Variants in SDR42E1 observed in about 807,000 individuals in gnomAD.
The protein encoded by SDR42E1 is short chain dehydrogenase/reductase family 42E, member 1.
In SDR42E1, 5 loss-of-function variants were observed where a neutral mutation model predicts 2.6. The ratio of observed to expected loss-of-function variants is 1.94; its 90% CI spans 1.01 to 4.08. The LOEUF is 4.08. Among genes scored for constraint, SDR42E1 ranks in the 30% most tolerant of loss-of-function variants. The probability of loss-of-function intolerance (pLI) is 0.00; values close to 1 mark genes in which losing one functional copy is unlikely to be tolerated. For synonymous variants in SDR42E1, 231 were observed against 188.3 expected, an observed-to-expected ratio of 1.23 and a Z score of -1.86; for missense variants, 596 against 478.6, an observed-to-expected ratio of 1.25 and a Z score of -2.29.
chr16:82,000,524 T>C (rs1294492378), intron 2 of SDR42E1: 5 of 589,032 alleles, frequency 8.5e-6, no homozygotes, highest in Non-Finnish European at 1.5e-5. Flanking sequence ...AATAATAAGA[T>C]AACTGTGAAA....
At position 82,000,833 on chromosome 16, in the gene SDR42E1, T is replaced by A; in HGVS notation, c.26A>T (p.Glu9Val). The A allele has an allele frequency of 6.2e-7, 1 of 1,613,930 alleles. No homozygotes were observed. Among genetic ancestry groups the A allele is most frequent in the Non-Finnish European group, 8.5e-7 (1 of 1,179,954 alleles). ...ACTTCCTCCTGTAATGAGGACACTT[T>A]CCTTTTGAGATCTTTTGGGGTCCAT... MDPKRSQK[E>V]SVLITGGSGY... Residue 9 changes from glutamate to valine, a missense_variant, in exon 2 of 3, where the codon GAA (glutamate) becomes GTA (valine). Transcript: ENST00000328945.
intron 1 of SDR42E1, among the ~76,000 whole-genome samples, chr16:82,010,859 T>A (rs1322196834): frequency 6.6e-6 from 1 of 152,190 alleles, no homozygotes; most frequent in Non-Finnish European, 1.5e-5. Flanking sequence ...CTGAGACCCG[T>A]CTCAGATTTT....
rs183011072 is a variant in SDR42E1 at position 82,004,390 on chromosome 16, C to T, written c.-26-3506G>A. Among the ~76,000 whole-genome samples, 573 of 151,696 alleles carry T rather than the reference C, an allele frequency of 3.8e-3. 2 individuals carry two copies. Among genetic ancestry groups the T allele is most frequent in the African/African-American group, 0.013 (530 of 41,002 alleles). On this transcript the variant is annotated intron_variant, in intron 1 of 2. Transcript: ENST00000328945. Reference sequence around the variant, plus strand: ...TGCTGGGCAGCTAACATGGTGAGTCCGCCATGGCTGGTGTGCAAACTGAAG... The same window carrying T: ...TGCTGGGCAGCTAACATGGTGAGTCTGCCATGGCTGGTGTGCAAACTGAAG...
rs984010622 is a variant in SDR42E1 at position 81,996,226 on chromosome 16, T to G, written c.*2885A>C. ...TTATAGAGTCTCTTGGCTAGGCATGTGGAGAATGGACTGAAGGAAGGAGGG... is the reference window on the plus strand; with the variant it reads ...TTATAGAGTCTCTTGGCTAGGCATGGGGAGAATGGACTGAAGGAAGGAGGG... On this transcript the variant is annotated 3_prime_UTR_variant, in exon 3 of 3. Coordinates refer to ENST00000328945, the MANE Select transcript of SDR42E1 (RefSeq NM_145168.3). 2.0e-5 allele frequency: 3 copies of G among 152,160 alleles called. No individual in the cohort carries two copies. The highest frequency in any genetic ancestry group is 7.2e-5 in the African/African-American group (3 of 41,388). 9.4% of individuals were successfully genotyped at this position (152,160 alleles called of 1,614,324 possible).
At chr16:82,002,468 G>C (rs183303382) in intron 1 of SDR42E1, among the ~76,000 whole-genome samples, 141 of 152,234 alleles carry the variant, frequency 9.3e-4, no homozygotes, top group Non-Finnish European at 1.6e-3. Context: ...CTTACTACTA[G>C]GGCCAGGCAG....
Position 81,999,492 on chromosome 16 carries a change from C to A in SDR42E1, c.801G>T (p.Arg267=). ...GRPVNNFEFF[R]PLVEGLGYTF... The stretch of plus-strand genomic sequence containing the variant: ...TGTAGCCCAGGCCCTCAACCAGAGG[C>A]CGGAAGAACTCAAAGTTGTTCACGG... Residue 267 remains arginine, a synonymous_variant, in exon 3 of 3, where the codon CGG becomes CGT. Coordinates refer to ENST00000328945, the MANE Select transcript of SDR42E1 (RefSeq NM_145168.3). The A allele has an allele frequency of 1.2e-6, 2 of 1,614,142 alleles. No individual in the cohort carries two copies. Among genetic ancestry groups the A allele is most frequent in the Non-Finnish European group, 1.7e-6 (2 of 1,180,026 alleles).
In SDR42E1 at chr16:82,010,385, G is replaced by A. The variant is rs546613197; in HGVS notation, c.-27+1002C>T. On this transcript the variant is annotated intron_variant, in intron 1 of 2. Transcript: ENST00000328945. ...ATGACTCTTAACCACTACATGTAAT[G>A]CCGCACAATAAGGCTGGGACAATAC... Among the ~76,000 whole-genome samples the A allele has an allele frequency of 2.0e-5, 3 of 152,256 alleles. No individual in the cohort carries two copies. The South Asian group carries it at 6.2e-4, about 32-fold the overall frequency.
intron 1 of SDR42E1, among the ~76,000 whole-genome samples, chr16:82,005,929 G>T (rs962257488): frequency 2.6e-5 from 4 of 152,328 alleles, no homozygotes; most frequent in Admixed American, 2.0e-4. Context: ...TAATAAAGTT[G>T]ACATCTCAAG....
intron 1 of SDR42E1, among the ~76,000 whole-genome samples, chr16:82,005,461 C>T (rs1001210363): frequency 3.9e-5 from 6 of 152,194 alleles, no homozygotes; most frequent in Admixed American, 3.9e-4. Flanking sequence ...TGGGAGCCGC[C>T]TCCTCCCTTC....
At chr16:82,007,922 G>C (rs1912996837) in intron 1 of SDR42E1, 1 of 152,184 alleles carries the variant, frequency 6.6e-6, no homozygotes, top group Non-Finnish European at 1.5e-5. Flanking sequence ...TTATGGGTTA[G>C]GCAGTGATAT....
Position 81,995,082 on chromosome 16 carries a change from T to C in SDR42E1, c.*4029A>G, listed in dbSNP as rs1456348529. Reference sequence around the variant, plus strand: ...AGGCTTTCCAGACCGCTCTTCCCTTTTTGCAGGTGGGAGCAGTTTGGGCAT... The same window carrying C: ...AGGCTTTCCAGACCGCTCTTCCCTTCTTGCAGGTGGGAGCAGTTTGGGCAT... On this transcript the variant is annotated 3_prime_UTR_variant, in exon 3 of 3. Coordinates refer to ENST00000328945, the MANE Select transcript of SDR42E1 (RefSeq NM_145168.3). 1 of 152,150 alleles carries C rather than the reference T, an allele frequency of 6.6e-6. No individual in the cohort carries two copies. Among genetic ancestry groups the C allele is most frequent in the Non-Finnish European group, 1.5e-5 (1 of 68,042 alleles). The allele number at this position is 152,150 out of a possible 1,614,324, so 9.4% of individuals were successfully genotyped here.
chr16:82,008,684 TGTAGG>T (rs1192795180), intron 1 of SDR42E1, among the ~76,000 whole-genome samples: 2 of 151,984 alleles, frequency 1.3e-5, no homozygotes, highest in Non-Finnish European at 2.9e-5. Flanking sequence ...GGAAGCAGAG[TGTAGG>T]TTTGAAAAAT....
rs1447055048 is a variant in SDR42E1, at chr16:81,990,850, C to T, written c.*8261G>A. ...TTTGCTGTGCTCAGAGACACTTCCA[C>T]TGTGAAGTGCTTTGTAAAAAGTTCA... On this transcript the variant is annotated 3_prime_UTR_variant, in exon 3 of 3. Transcript: ENST00000328945. The T allele has an allele frequency of 1.3e-5, 2 of 152,204 alleles. No homozygotes were observed. Among genetic ancestry groups the T allele is most frequent in the Admixed American group, 6.5e-5 (1 of 15,282 alleles). The allele number at this position is 152,204 out of a possible 1,614,324, so 9.4% of individuals were successfully genotyped here. A position where few individuals can be genotyped will look rare whatever the true frequency, so the allele number is the denominator to read the frequency against.
chr16:82,008,035 G>A (rs749655823), intron 1 of SDR42E1, among the ~76,000 whole-genome samples: 37 of 152,114 alleles, frequency 2.4e-4, no homozygotes, highest in Non-Finnish European at 4.9e-4. Flanking sequence ...TCATGGGGGC[G>A]GGTCTTTCCT....
chr16:81,997,199 C>T lies in SDR42E1; in HGVS notation c.*1912G>A, dbSNP rs1912561807. The T allele has an allele frequency of 6.6e-6, 1 of 152,178 alleles. No homozygotes were observed. The highest frequency in any genetic ancestry group is 6.5e-5 in the Admixed American group (1 of 15,282). The allele number at this position is 152,178 out of a possible 1,614,324, so 9.4% of individuals were successfully genotyped here. A position where few individuals can be genotyped will look rare whatever the true frequency, so the allele number is the denominator to read the frequency against. ...AGGGATATAGTGCAAAATGTTAACA[C>T]AGCCGTTGGGCCCCTAAAATCCTTC... On this transcript the variant is annotated 3_prime_UTR_variant, in exon 3 of 3. Coordinates refer to ENST00000328945, the MANE Select transcript of SDR42E1 (RefSeq NM_145168.3).
chr16:82,006,622 G>A lies in SDR42E1; in HGVS notation c.-27+4765C>T, dbSNP rs541735274. ...AGCTGGGCCAACATGGTGAAACCCT[G>A]TCTCTACTAAAAACAGAAAAAATTC... On this transcript the variant is annotated intron_variant, in intron 1 of 2. Coordinates refer to ENST00000328945, the MANE Select transcript of SDR42E1 (RefSeq NM_145168.3). 2.6e-5 allele frequency among the ~76,000 whole-genome samples: 4 copies of A among 152,240 alleles called. 1 individual carries two copies. The highest frequency in any genetic ancestry group is 9.6e-5 in the African/African-American group (4 of 41,542).
At chr16:82,006,841 G>T (rs1227305225) in intron 1 of SDR42E1, among the ~76,000 whole-genome samples, 1 of 152,170 alleles carries the variant, frequency 6.6e-6, no homozygotes, top group Non-Finnish European at 1.5e-5. Flanking sequence ...CACCTTGGAA[G>T]AAAATTACCT....
At chr16:82,000,315 C>T (rs1354407116) in intron 2 of SDR42E1, 91 bp from the exon 3 acceptor site, 1 of 1,502,384 alleles carries the variant, frequency 6.7e-7, no homozygotes, top group Non-Finnish European at 9.2e-7. Flanking sequence ...CAAGGTGGGG[C>T]TGATCCAAGT....
chr16:81,995,947 C>A lies in SDR42E1; in HGVS notation c.*3164G>T, dbSNP rs536969270. The A allele has an allele frequency of 6.6e-6, 1 of 152,218 alleles. No homozygotes were observed. The highest frequency in any genetic ancestry group is 1.9e-4 in the East Asian group (1 of 5,172). 9.4% of individuals were successfully genotyped at this position (152,218 alleles called of 1,614,324 possible). On this transcript the variant is annotated 3_prime_UTR_variant, in exon 3 of 3. Coordinates refer to ENST00000328945, the MANE Select transcript of SDR42E1 (RefSeq NM_145168.3). ...CTTAAATTGCTGGGATCAGTGAAGG[C>A]CTCTAGAAAGAGACTTAACAAGAGA... is the stretch of plus-strand genomic sequence containing the variant.
Sources: gnomAD v4.1 joint callset for allele counts (sites outside exome capture counted in the v4.1 genomes callset) on GRCh38, gnomAD v4.1.1 for gene constraint, MANE v1.5 for transcripts, NCBI Gene and HGNC (gene_info 2026-07-23, HGNC 2026-07-21) for gene names.